USP35: variants seen among roughly 807,000 people sequenced by gnomAD.
The protein encoded by USP35 is ubiquitin carboxyl-terminal hydrolase 35.
Under a neutral mutation model 83.8 loss-of-function variants are expected in USP35, and 69 were observed. The observed-to-expected ratio is 0.82, with a 90% CI of 0.68 to 1.01. The LOEUF (loss-of-function observed/expected upper bound fraction) is 1.01, where lower values mean the gene tolerates loss of function less well. Ranked by LOEUF, USP35 falls within the 50% of genes least tolerant of loss-of-function variation. The pLI, the probability that USP35 is intolerant of heterozygous loss-of-function variation, is 0.00. For missense variants in USP35, 1,503 were observed against 1,362.5 expected (o/e 1.10, Z -1.62); for synonymous variants, 714 against 589.5 (o/e 1.21, Z -3.06).
At chr11:78,205,649 G>A (rs1863507092) in intron 6 of USP35, among the ~76,000 whole-genome samples, 193 bp from the exon 7 acceptor site, 1 of 152,164 alleles carries the variant, frequency 6.6e-6, no homozygotes, top group South Asian at 2.1e-4. Context: ...AGACCATGGA[G>A]GCAGCCCATA....
rs564437874 is a variant in USP35 at position 78,214,012 on chromosome 11, T to G, written c.*199T>G. The G allele has an allele frequency of 2.4e-3, 1,351 of 568,012 alleles. 32 individuals are homozygous for G. Among genetic ancestry groups the G allele is most frequent in the Middle Eastern group, 6.4e-3 (13 of 2,038 alleles). The allele number at this position is 568,012 out of a possible 1,614,324, so 35.2% of individuals were successfully genotyped here. A position where few individuals can be genotyped will look rare whatever the true frequency, so the allele number is the denominator to read the frequency against. On this transcript the variant is annotated 3_prime_UTR_variant, in exon 11 of 11. Transcript: ENST00000529308. ...CCCTTTCATTGGGGATCAGTCCCAT[T>G]AAAACTTTACACCCAAGTGTCCTGG...
rs1863719461 is a variant in USP35, at chr11:78,210,464, G to T, written c.2609G>T (p.Gly870Val). The change falls in exon 10 of 11, where the codon GGC becomes GTC. Residue 870 changes from glycine (G) to valine (V), a missense_variant. By Grantham distance (109) the Gly-to-Val change is moderately radical. Coordinates refer to ENST00000529308, the MANE Select transcript of USP35 (RefSeq NM_020798.4). ...CACTACTACTGCTATGCCCGTGAGG[G>T]CGCTGCCCGCCCTGCCGCTTCTCTG... ...SGHYYCYARE[G>V]AARPAASLGT... 2 of 1,614,236 alleles carry T rather than the reference G, an allele frequency of 1.2e-6. No individual in the cohort carries two copies. Among genetic ancestry groups the T allele is most frequent in the Non-Finnish European group, 1.7e-6 (2 of 1,180,040 alleles).
At chr11:78,209,024 G>A in intron 9 of USP35, 61 bp downstream of exon 9, 2 of 1,533,788 alleles carry the variant, frequency 1.3e-6, no homozygotes, top group South Asian at 1.2e-5. Flanking sequence ...GGCAAGCCCA[G>A]TACCTCTGAG....
rs541355309 is a variant in USP35 at position 78,214,009 on chromosome 11, C to T, written c.*196C>T. The T allele has an allele frequency of 6.9e-6, 4 of 578,016 alleles. No homozygotes were observed. The South Asian group carries it at 1.5e-4, about 22-fold the overall frequency. 35.8% of individuals were successfully genotyped at this position (578,016 alleles called of 1,614,324 possible). A position where few individuals can be genotyped will look rare whatever the true frequency, so the allele number is the denominator to read the frequency against. On this transcript the variant is annotated 3_prime_UTR_variant, in exon 11 of 11. Coordinates refer to ENST00000529308, the MANE Select transcript of USP35 (RefSeq NM_020798.4). ...AGTCCCTTTCATTGGGGATCAGTCC[C>T]ATTAAAACTTTACACCCAAGTGTCC...
At chr11:78,189,385 C>G (rs1421000393) in intron 1 of USP35, among the ~76,000 whole-genome samples, 1 of 152,202 alleles carries the variant, frequency 6.6e-6, no homozygotes, top group Non-Finnish European at 1.5e-5. Flanking sequence ...CCTCCCCTTT[C>G]AGGTAAGAGG....
intron 10 of USP35, among the ~76,000 whole-genome samples, chr11:78,212,985 T>C (rs984594391): frequency 3.3e-5 from 5 of 152,168 alleles, no homozygotes; most frequent in African/African-American, 9.7e-5. Context: ...GGCACTGGCA[T>C]ACTGAGCAGC....
At chr11:78,208,242 G>C (rs1032512100) in intron 8 of USP35, among the ~76,000 whole-genome samples, 1 of 152,134 alleles carries the variant, frequency 6.6e-6, no homozygotes, top group African/African-American at 2.4e-5. Flanking sequence ...GCTGCACTGG[G>C]GATTATGTTT....
At chr11:78,207,649 G>T (rs1172542356) in intron 8 of USP35, 26 bp downstream of exon 8, 5 of 1,609,096 alleles carry the variant, frequency 3.1e-6, no homozygotes, top group Non-Finnish European at 4.2e-6. Context: ...GTCAGAGGGG[G>T]GTGGAGAGGC....
chr11:78,216,349 G>GC (rs1238851018), downstream of USP35: 9 of 152,198 alleles, frequency 5.9e-5, no homozygotes, highest in Non-Finnish European at 1.3e-4. Flanking sequence ...TCCTCTCCAG[G>GC]CCCCCAGGAG....
chr11:78,204,411 G>A (rs181325873), intron 6 of USP35, among the ~76,000 whole-genome samples: 7 of 152,274 alleles, frequency 4.6e-5, no homozygotes, highest in Non-Finnish European at 8.8e-5. Flanking sequence ...AGGTTGTGGC[G>A]GTTTCTTTGG....
chr11:78,223,907 C>T, the USP35 span, among the ~76,000 whole-genome samples: 1 of 152,048 alleles, frequency 6.6e-6, no homozygotes, highest in Non-Finnish European at 1.5e-5. Flanking sequence ...ATGGCAAAAC[C>T]TCCTCTCTAC....
rs752726387 is a variant in USP35 at position 78,209,618 on chromosome 11, C to G, written c.1763C>G (p.Ser588Cys). 38 of 1,614,030 alleles carry G rather than the reference C, an allele frequency of 2.4e-5. No individual in the cohort carries two copies. Among genetic ancestry groups the G allele is most frequent in the Non-Finnish European group, 3.1e-5 (37 of 1,180,018 alleles). ...ICCLCCLNVSSREEAFTDLSL... is the reference protein window; with the variant it reads ...ICCLCCLNVSCREEAFTDLSL... ...TGTCTCTGCTGCCTCAACGTCTCCT[C>G]CCGGGAGGAGGCCTTCACGGACCTC... Residue 588 changes from serine to cysteine, a missense_variant, in exon 10 of 11, where the codon TCC (serine) becomes TGC (cysteine). Transcript: ENST00000529308.
At chr11:78,220,194 C>G, downstream of USP35, 1 of 935,684 alleles carries the variant, frequency 1.1e-6, no homozygotes, top group Non-Finnish European at 1.6e-6. Flanking sequence ...ATCATAAAAG[C>G]TGGGTACTGG....
chr11:78,221,927 G>A, the USP35 span: 2 of 682,148 alleles, frequency 2.9e-6, no homozygotes, highest in East Asian at 5.4e-5. Flanking sequence ...TATAGGGCAG[G>A]TATAATTATT....
Position 78,210,508 on chromosome 11 carries a change from G to A in USP35, c.2653G>A (p.Glu885Lys), listed in dbSNP as rs1332334232. The change falls in exon 10 of 11, where the codon GAG becomes AAG. Residue 885 changes from glutamate to lysine, a missense_variant. Glu to Lys is a moderately conservative substitution (Grantham distance 56, BLOSUM62 1). Coordinates refer to ENST00000529308, the MANE Select transcript of USP35 (RefSeq NM_020798.4). ...AASLGTADRP[E>K]PENQWYLFND... is the part of the protein sequence containing the mutation. ...TTCTCTGGGAACTGCCGATAGGCCA[G>A]AGCCCGAGAACCAGTGGTACCTGTT... 6 of 1,613,956 alleles carry A rather than the reference G, an allele frequency of 3.7e-6. No individual in the cohort carries two copies. The highest frequency in any genetic ancestry group is 1.1e-5 in the South Asian group (1 of 91,094).
At chr11:78,198,625 C>T (rs1863231620) in intron 3 of USP35, 1 of 985,336 alleles carries the variant, frequency 1.0e-6, no homozygotes, top group African/African-American at 1.7e-5. Flanking sequence ...ATGCCTCCCT[C>T]TGCCATTCTT....
intron 1 of USP35, among the ~76,000 whole-genome samples, chr11:78,192,661 C>G (rs985817833): frequency 6.6e-6 from 1 of 152,218 alleles, no homozygotes; most frequent in African/African-American, 2.4e-5. Flanking sequence ...GAGATCAGAG[C>G]TCTCATGGAG....
the USP35 span, among the ~76,000 whole-genome samples, chr11:78,233,632 T>G: frequency 1.3e-5 from 2 of 152,136 alleles, no homozygotes; most frequent in South Asian, 4.2e-4. Context: ...AGATGGAGTC[T>G]TGCTCACTCT....
downstream of USP35, chr11:78,217,165 C>T (rs1565412112): frequency 1.3e-5 from 2 of 152,538 alleles, no homozygotes; most frequent in Non-Finnish European, 2.9e-5. Flanking sequence ...TGACACCAAC[C>T]TCCCTAAGTA....
Sources: gnomAD v4.1 joint callset for allele counts (sites outside exome capture counted in the v4.1 genomes callset) on GRCh38, gnomAD v4.1.1 for gene constraint, MANE v1.5 for transcripts, NCBI Gene and HGNC (gene_info 2026-07-23, HGNC 2026-07-21) for gene names.